Variants in FARS2 observed in about 807,000 individuals in gnomAD.
FARS2 encodes phenylalanine--tRNA ligase, mitochondrial.
In FARS2, 40 loss-of-function variants were observed where a neutral mutation model predicts 46.4. The ratio of observed to expected loss-of-function variants is 0.86; its 90% CI spans 0.67 to 1.12. The LOEUF is 1.12. Ranked by LOEUF, FARS2 falls within the 50% of genes most tolerant of loss-of-function variation. The pLI is 0.00. For synonymous variants in FARS2, 234 were observed against 214.9 expected (o/e 1.09, Z -0.78); for missense variants, 513 against 567.9 (o/e 0.90, Z 0.98).
chr6:5,689,887 A>T (rs1296610680), intron 6 of FARS2, among the ~76,000 whole-genome samples: 1 of 152,098 alleles, frequency 6.6e-6, no homozygotes, highest in Non-Finnish European at 1.5e-5. Flanking sequence ...GTGCTCCTGT[A>T]TTGGGTGCAT....
At chr6:5,619,801 C>T (rs1775669961) in intron 6 of FARS2, among the ~76,000 whole-genome samples, 1 of 151,980 alleles carries the variant, frequency 6.6e-6, no homozygotes, top group South Asian at 2.1e-4. Context: ...AGTGCATTCT[C>T]CTTCCTGTCT....
intron 5 of FARS2, among the ~76,000 whole-genome samples, chr6:5,587,562 C>A (rs1322845751): frequency 6.6e-6 from 1 of 152,170 alleles, no homozygotes; most frequent in Non-Finnish European, 1.5e-5. Context: ...GTGTTTCTGG[C>A]AAAGTTTTCA....
rs556754902 is a variant in FARS2 at position 5,286,756 on chromosome 6, G to C, written c.-22+25096G>C. On this transcript the variant is annotated intron_variant, in intron 1 of 6. Coordinates refer to ENST00000274680, the MANE Select transcript of FARS2 (RefSeq NM_006567.5). Reference sequence around the variant, plus strand: ...CCATATAATTATGTATATAGAACATGCATAATGTATACTTTATTATTATGT... The same window carrying C: ...CCATATAATTATGTATATAGAACATCCATAATGTATACTTTATTATTATGT... 2.9e-3 allele frequency among the ~76,000 whole-genome samples: 436 copies of C among 152,278 alleles called. 4 individuals are homozygous for C. Among genetic ancestry groups the C allele is most frequent in the Non-Finnish European group, 5.0e-3 (339 of 68,014 alleles).
intron 2 of FARS2, among the ~76,000 whole-genome samples, chr6:5,396,038 A>G (rs1474574854): frequency 2.0e-5 from 3 of 152,180 alleles, no homozygotes; most frequent in Admixed American, 6.5e-5. Flanking sequence ...ATATATAACT[A>G]TTCTTTAAAG....
At chr6:5,372,577 T>A (rs558580987) in intron 2 of FARS2, among the ~76,000 whole-genome samples, 2 of 152,262 alleles carry the variant, frequency 1.3e-5, no homozygotes, top group Non-Finnish European at 2.9e-5. Context: ...GAAAGTATAA[T>A]AAAAATGTTC....
At chr6:5,391,641 G>A (rs1164487749) in intron 2 of FARS2, among the ~76,000 whole-genome samples, 4 of 151,864 alleles carry the variant, frequency 2.6e-5, no homozygotes, top group African/African-American at 9.7e-5. Flanking sequence ...ATATCTCCTT[G>A]AAAATCTACT....
chr6:5,601,849 C>T (rs922518231), intron 5 of FARS2, among the ~76,000 whole-genome samples: 5 of 152,094 alleles, frequency 3.3e-5, no homozygotes, highest in Admixed American at 2.6e-4. Context: ...AATCAGGGGA[C>T]GTGTGCTCTG....
In FARS2 at chr6:5,368,683, C is replaced by T. The variant is rs1758834263; in HGVS notation, c.113C>T (p.Ala38Val). The change falls in exon 2 of 7, where the codon GCA becomes GTA. Residue 38 changes from alanine to valine, a missense_variant. By Grantham distance (64) the Ala-to-Val change is moderately conservative. Coordinates refer to ENST00000274680, the MANE Select transcript of FARS2 (RefSeq NM_006567.5). ...CAGGCCTGGGGATCGAGGCCTCCTG[C>T]AGCAGAGTGTGCCACCCAAAGAGCT... The part of the protein sequence containing the change: ...QHQAWGSRPP[A>V]AECATQRAPG... The T allele has an allele frequency of 1.9e-6, 3 of 1,614,198 alleles. No homozygotes were observed. The highest frequency in any genetic ancestry group is 2.2e-5 in the East Asian group (1 of 44,868).
rs745952111 is a variant in FARS2 at position 5,369,092 on chromosome 6, G to T, written c.522G>T (p.Val174=). 3.1e-6 allele frequency: 5 copies of T among 1,613,892 alleles called. No homozygotes were observed. Among genetic ancestry groups the T allele is most frequent in the Non-Finnish European group, 4.2e-6 (5 of 1,180,008 alleles). ...LHAGLDAFLV[V]GDVYRRDQID... ...CGGGACTGGATGCCTTCCTGGTGGT[G>T]GGTGATGTCTACAGGCGTGACCAGA... Residue 174 remains valine, a synonymous_variant, in exon 2 of 7, where the codon GTG becomes GTT. Coordinates refer to ENST00000274680, the MANE Select transcript of FARS2 (RefSeq NM_006567.5).
At chr6:5,488,714 A>C (rs1582249610) in intron 4 of FARS2, among the ~76,000 whole-genome samples, 1 of 151,640 alleles carries the variant, frequency 6.6e-6, no homozygotes, top group Non-Finnish European at 1.5e-5. Context: ...TTCAGCCATT[A>C]TCTTTGGTAA....
Position 5,609,052 on chromosome 6 carries a change from A to T in FARS2, c.1066-4117A>T, listed in dbSNP as rs187227649. ...AATAACCTGTTGTACAGTTAGTCAC[A>T]AATACAGTCCTCAGTTTTTTGCCCA... is the stretch of plus-strand genomic sequence containing the variant. On this transcript the variant is annotated intron_variant, in intron 5 of 6. Transcript: ENST00000274680. 5.9e-5 allele frequency among the ~76,000 whole-genome samples: 9 copies of T among 152,290 alleles called. No homozygotes were observed. The East Asian group carries it at 1.7e-3, about 29-fold the overall frequency.
At chr6:5,285,947 C>T (rs1343470035) in intron 1 of FARS2, among the ~76,000 whole-genome samples, 6 of 152,224 alleles carry the variant, frequency 3.9e-5, no homozygotes, top group Admixed American at 3.3e-4. Context: ...TCACTTTGCT[C>T]TGTCCTTCCC....
At chr6:5,473,816 C>G (rs1765953469) in intron 4 of FARS2, among the ~76,000 whole-genome samples, 1 of 152,098 alleles carries the variant, frequency 6.6e-6, no homozygotes, top group African/African-American at 2.4e-5. Context: ...CGGTGTCTTT[C>G]AATATAGTAG....
intron 1 of FARS2, among the ~76,000 whole-genome samples, chr6:5,284,483 G>C (rs529498622): frequency 6.6e-6 from 1 of 152,156 alleles, no homozygotes; most frequent in Non-Finnish European, 1.5e-5. Context: ...TCCACCACCT[G>C]CTCTGGCTGT....
chr6:5,379,842 G>A (rs192326564), intron 2 of FARS2, among the ~76,000 whole-genome samples: 197 of 152,270 alleles, frequency 1.3e-3, no homozygotes, highest in South Asian at 0.012. Flanking sequence ...TCCCTCCAGC[G>A]ACCTCTACTG....
At chr6:5,640,939 A>G (rs553498565) in intron 6 of FARS2, among the ~76,000 whole-genome samples, 32 of 152,234 alleles carry the variant, frequency 2.1e-4, no homozygotes, top group Admixed American at 1.7e-3. Flanking sequence ...TCTTGGCCCT[A>G]ATCAACTCCC....
Position 5,272,828 on chromosome 6 carries a change from G to A in FARS2, c.-22+11168G>A, listed in dbSNP as rs185480268. ...TCCCTCCTGCCCTGTACCCTTCTTG[G>A]CCTCTGGTCACCACCAGTCTATTCT... On this transcript the variant is annotated intron_variant, in intron 1 of 6. Transcript: ENST00000274680. Among the ~76,000 whole-genome samples the A allele has an allele frequency of 3.8e-3, 581 of 152,146 alleles. 4 individuals are homozygous for A. The highest frequency in any genetic ancestry group is 5.4e-3 in the Non-Finnish European group (370 of 68,016).
At chr6:5,720,822 G>C (rs577968021) in intron 6 of FARS2, among the ~76,000 whole-genome samples, 1 of 152,324 alleles carries the variant, frequency 6.6e-6, no homozygotes, top group East Asian at 1.9e-4. Flanking sequence ...GGAGGCAGAA[G>C]GATTGCTTGA....
At chr6:5,378,774 T>C (rs1475628485) in intron 2 of FARS2, among the ~76,000 whole-genome samples, 5 of 152,226 alleles carry the variant, frequency 3.3e-5, no homozygotes, top group Non-Finnish European at 7.4e-5. Context: ...CACACTTAAA[T>C]TCAAACAGCT....
Sources: allele counts gnomAD v4.1 joint callset (sites outside exome capture counted in the v4.1 genomes callset), GRCh38; gene constraint gnomAD v4.1.1; transcripts MANE v1.5; gene names NCBI Gene and HGNC (gene_info 2026-07-23, HGNC 2026-07-21).